Variants in TCF7L2 observed in about 807,000 individuals in gnomAD.
The protein encoded by TCF7L2 is transcription factor 7 like 2.
A neutral mutation model predicts 77.9 loss-of-function variants in TCF7L2; 23 were observed. The observed-to-expected ratio is 0.30, with a 90% CI of 0.21 to 0.42. The LOEUF (loss-of-function observed/expected upper bound fraction) is 0.42. Among genes scored for constraint, TCF7L2 ranks in the 10% least tolerant of loss-of-function variants. The pLI is 1.00. For synonymous variants in TCF7L2, 413 were observed against 340.2 expected (o/e 1.21, Z -2.36); for missense variants, 654 against 793.1 (o/e 0.82, Z 2.11).
At chr10:113,069,389 C>T (rs552741636) in intron 5 of TCF7L2, among the ~76,000 whole-genome samples, 13 of 152,172 alleles carry the variant, frequency 8.5e-5, no homozygotes, top group Non-Finnish European at 1.8e-4. Flanking sequence ...ACCACCACGC[C>T]TGGCTAATTT....
At chr10:113,043,451 A>G (rs914670222) in intron 5 of TCF7L2, among the ~76,000 whole-genome samples, 2 of 152,238 alleles carry the variant, frequency 1.3e-5, no homozygotes, top group African/African-American at 2.4e-5. Flanking sequence ...CTCATTTGTT[A>G]TATAATCCAG....
intron 4 of TCF7L2, among the ~76,000 whole-genome samples, chr10:112,967,833 C>G (rs2037343272): frequency 6.6e-6 from 1 of 152,086 alleles, no homozygotes; most frequent in African/African-American, 2.4e-5. Context: ...TGGGGTTTCT[C>G]CATGTTGGTC....
At chr10:113,002,405 G>C (rs894449205) in intron 4 of TCF7L2, among the ~76,000 whole-genome samples, 19 of 152,148 alleles carry the variant, frequency 1.2e-4, no homozygotes, top group African/African-American at 4.3e-4. Context: ...GTCATTGGGA[G>C]GTACTCCTGG....
At chr10:113,150,128 A>C (rs576338634) in intron 8 of TCF7L2, among the ~76,000 whole-genome samples, 134 of 152,356 alleles carry the variant, frequency 8.8e-4, no homozygotes, top group African/African-American at 2.4e-3. Context: ...TGTCCAAAAA[A>C]TGAGCAGCAT....
chr10:112,951,468 GC>G lies in TCF7L2; in HGVS notation c.257-11del. On this transcript the variant is annotated splice_polypyrimidine_tract_variant and intron_variant, in intron 2 of 13. Coordinates refer to ENST00000627217, the MANE Select transcript of TCF7L2 (RefSeq NM_001146274.2). ...GCGCGGCCGCCGCTGTCCCCTCGCC[GC>G]CCCGCCATGTTAGCGGCCAAGAGGC... 7.1e-7 allele frequency: 1 copy of G among 1,411,634 alleles called. No individual in the cohort carries two copies. The highest frequency in any genetic ancestry group is 9.4e-7 in the Non-Finnish European group (1 of 1,058,722). The allele number at this position is 1,411,634 out of a possible 1,614,324, so 87.4% of individuals were successfully genotyped here.
At chr10:112,962,245 G>T (rs1429577752) in intron 3 of TCF7L2, among the ~76,000 whole-genome samples, 1 of 152,118 alleles carries the variant, frequency 6.6e-6, no homozygotes, top group Non-Finnish European at 1.5e-5. Context: ...GATTGCCTAG[G>T]GGCTCTGCAG....
At chr10:113,055,000 T>C (rs2055136010) in intron 5 of TCF7L2, among the ~76,000 whole-genome samples, 3 of 152,244 alleles carry the variant, frequency 2.0e-5, no homozygotes, top group African/African-American at 7.2e-5. Context: ...ACTACAGCTT[T>C]CTATTTCTGT....
intron 7 of TCF7L2, 65 bp downstream of exon 7, chr10:113,144,090 G>T (rs2068851865): frequency 3.8e-6 from 4 of 1,065,268 alleles, no homozygotes; most frequent in African/African-American, 1.9e-5. Context: ...TATTTATTCT[G>T]TGTGTGTGTC....
At chr10:112,989,520 T>C (rs936427202) in intron 4 of TCF7L2, among the ~76,000 whole-genome samples, 23 of 152,072 alleles carry the variant, frequency 1.5e-4, no homozygotes, top group African/African-American at 5.1e-4. Flanking sequence ...TGGCATGTAA[T>C]GTAATTGGAA....
intron 4 of TCF7L2, among the ~76,000 whole-genome samples, chr10:112,977,258 A>C (rs2039591899): frequency 6.6e-6 from 1 of 152,222 alleles, no homozygotes; most frequent in South Asian, 2.1e-4. Context: ...TGTGTGTGAT[A>C]GTAGCCCATT....
At chr10:113,041,886 G>A (rs958949696) in intron 5 of TCF7L2, among the ~76,000 whole-genome samples, 27 of 152,120 alleles carry the variant, frequency 1.8e-4, no homozygotes, top group African/African-American at 5.8e-4. Flanking sequence ...TTATTTTTTA[G>A]CTACAGAGAA....
rs2137658045 is a variant in TCF7L2 at position 113,165,956 on chromosome 10, C to T, written c.1793C>T (p.Thr598Ile). The T allele has an allele frequency of 1.3e-6, 2 of 1,532,240 alleles. No homozygotes were observed. Among genetic ancestry groups the T allele is most frequent in the Admixed American group, 2.1e-5 (1 of 47,026 alleles). 94.9% of individuals were successfully genotyped at this position (1,532,240 alleles called of 1,614,324 possible). Residue 598 changes from threonine (T) to isoleucine (I), a missense_variant, in exon 14 of 14, where the codon ACC becomes ATC. Physicochemically the swap from Thr to Ile is moderately conservative, Grantham distance 89. Transcript: ENST00000627217. ...CAGCCCCAGCCGCTGTCGCTCGTCA[C>T]CAAGTCTTTAGAATAGCTTTAGCGT...
At chr10:113,118,921 A>C (rs2064317867) in intron 5 of TCF7L2, among the ~76,000 whole-genome samples, 1 of 152,106 alleles carries the variant, frequency 6.6e-6, no homozygotes, top group Admixed American at 6.6e-5. Flanking sequence ...TTGAAAATGC[A>C]ATTGTAATGA....
chr10:113,005,584 G>T (rs2045393358), intron 4 of TCF7L2, among the ~76,000 whole-genome samples: 1 of 152,170 alleles, frequency 6.6e-6, no homozygotes, highest in Admixed American at 6.5e-5. Flanking sequence ...TTGCCCGAAG[G>T]ATGCGGTTGT....
chr10:112,963,683 A>G (rs181671104), intron 3 of TCF7L2, among the ~76,000 whole-genome samples: 3 of 152,214 alleles, frequency 2.0e-5, no homozygotes, highest in African/African-American at 7.2e-5. Flanking sequence ...GGATCCCAAG[A>G]TTAGCAAGTA....
At chr10:113,118,482 T>A (rs114384243) in intron 5 of TCF7L2, among the ~76,000 whole-genome samples, 2,040 of 151,620 alleles carry the variant, frequency 0.013, 53 homozygotes, top group African/African-American at 0.048. Context: ...CTTTTCTTTT[T>A]CATTTTTTAA....
At chr10:112,963,376 G>T (rs927034214) in intron 3 of TCF7L2, among the ~76,000 whole-genome samples, 18 of 152,086 alleles carry the variant, frequency 1.2e-4, no homozygotes, top group Non-Finnish European at 2.4e-4. Context: ...TCTGAAACTC[G>T]CAGCCTAAAT....
At chr10:113,102,481 T>C (rs1281650741) in intron 5 of TCF7L2, among the ~76,000 whole-genome samples, 3 of 150,794 alleles carry the variant, frequency 2.0e-5, no homozygotes, top group Non-Finnish European at 4.4e-5. Context: ...CTGGAGTGCA[T>C]TGGTGCAATC....
chr10:113,140,344 C>A (rs76140902), intron 5 of TCF7L2, among the ~76,000 whole-genome samples: 1 of 152,040 alleles, frequency 6.6e-6, no homozygotes, highest in East Asian at 1.9e-4. Flanking sequence ...TTTCTTCCCC[C>A]CACCCTGCCC....
Sources: allele counts gnomAD v4.1 joint callset (sites outside exome capture counted in the v4.1 genomes callset), GRCh38; gene constraint gnomAD v4.1.1; transcripts MANE v1.5; gene names NCBI Gene and HGNC (gene_info 2026-07-23, HGNC 2026-07-21).